Variants in DENND1A observed in about 807,000 individuals in gnomAD.
DENND1A encodes DENN domain containing 1A, also known as DENN domain-containing protein 1A.
In DENND1A, 51 loss-of-function variants were observed where a neutral mutation model predicts 113.7. The ratio of observed to expected loss-of-function variants is 0.45; its 90% confidence interval spans 0.36 to 0.57. The LOEUF (loss-of-function observed/expected upper bound fraction) is 0.57, where lower values mean the gene tolerates loss of function less well. DENND1A is among the 20% of genes least tolerant of loss of function. DENND1A has a pLI of 0.00. For synonymous variants in DENND1A, 565 were observed against 570.8 expected (o/e 0.99, Z 0.14); for missense variants, 1,258 against 1,395.9 (o/e 0.90, Z 1.57).
chr9:123,482,654 C>A (rs1427533650), intron 13 of DENND1A, among the ~76,000 whole-genome samples: 1 of 152,202 alleles, frequency 6.6e-6, no homozygotes, highest in Non-Finnish European at 1.5e-5. Context: ...AGTCAAGCAG[C>A]CCCATAAAGG....
chr9:123,606,368 T>C (rs1362472741), intron 11 of DENND1A, among the ~76,000 whole-genome samples: 1 of 152,116 alleles, frequency 6.6e-6, no homozygotes, highest in Non-Finnish European at 1.5e-5. Flanking sequence ...CTCCCCAGCC[T>C]CCGTCAATCA....
At chr9:123,550,220 AAC>A (rs2056955208) in intron 13 of DENND1A, among the ~76,000 whole-genome samples, 1 of 152,250 alleles carries the variant, frequency 6.6e-6, no homozygotes, top group Admixed American at 6.5e-5. Flanking sequence ...TCTTGGGATG[AAC>A]TAAGCAAGTG....
intron 22 of DENND1A, among the ~76,000 whole-genome samples, chr9:123,387,249 G>A (rs2042613320): frequency 6.6e-6 from 1 of 152,176 alleles, no homozygotes; most frequent in Non-Finnish European, 1.5e-5. Context: ...AAATAATAAT[G>A]ATTAAATTAT....
intron 2 of DENND1A, among the ~76,000 whole-genome samples, chr9:123,836,322 T>G (rs1202861840): frequency 6.6e-6 from 1 of 152,126 alleles, no homozygotes; most frequent in African/African-American, 2.4e-5. Context: ...TGGGCTCACA[T>G]ATGAATTAAC....
intron 5 of DENND1A, among the ~76,000 whole-genome samples, chr9:123,701,687 G>A (rs1322705730): frequency 6.6e-6 from 1 of 152,176 alleles, no homozygotes; most frequent in East Asian, 1.9e-4. Flanking sequence ...CAGCAGCCAA[G>A]AGCTTCAGGT....
At chr9:123,790,277 A>C (rs1832803732) in intron 3 of DENND1A, among the ~76,000 whole-genome samples, 1 of 152,150 alleles carries the variant, frequency 6.6e-6, no homozygotes, top group African/African-American at 2.4e-5. Context: ...CACAGTTCTC[A>C]CTTTCTTTCC....
chr9:123,553,024 G>A (rs1248308333), intron 13 of DENND1A, among the ~76,000 whole-genome samples: 1 of 152,184 alleles, frequency 6.6e-6, no homozygotes, highest in Admixed American at 6.5e-5. Flanking sequence ...TGGGAGTCTG[G>A]GGCTGAAGGA....
intron 9 of DENND1A, among the ~76,000 whole-genome samples, chr9:123,641,645 C>T (rs974556936): frequency 1.3e-5 from 2 of 152,092 alleles, no homozygotes; most frequent in Admixed American, 6.5e-5. Flanking sequence ...CCAGTCGGTA[C>T]GCATAAACAT....
At chr9:123,570,282 C>T (rs913009968) in intron 12 of DENND1A, among the ~76,000 whole-genome samples, 1 of 152,292 alleles carries the variant, frequency 6.6e-6, no homozygotes, top group African/African-American at 2.4e-5. Context: ...GAACTAGAAA[C>T]ATCCAGAGTC....
At chr9:123,789,458 CAGAA>C (rs1832684890) in intron 3 of DENND1A, among the ~76,000 whole-genome samples, 1 of 152,094 alleles carries the variant, frequency 6.6e-6, no homozygotes, top group Non-Finnish European at 1.5e-5. Flanking sequence ...ACTTCCGTGA[CAGAA>C]AGAAAGGCTT....
intron 6 of DENND1A, among the ~76,000 whole-genome samples, chr9:123,676,216 G>A (rs945638762): frequency 2.6e-5 from 4 of 152,038 alleles, no homozygotes; most frequent in South Asian, 2.1e-4. Flanking sequence ...AATTTTTAAC[G>A]TCATTTTCAG....
At chr9:123,409,043 G>A (rs576443827) in intron 20 of DENND1A, among the ~76,000 whole-genome samples, 91 of 152,268 alleles carry the variant, frequency 6.0e-4, no homozygotes, top group Non-Finnish European at 1.1e-3. Flanking sequence ...TCAAAGGCAG[G>A]ACTTATCATC....
At chr9:123,540,865 A>T (rs1159998578) in intron 13 of DENND1A, among the ~76,000 whole-genome samples, 1 of 152,226 alleles carries the variant, frequency 6.6e-6, no homozygotes, top group Non-Finnish European at 1.5e-5. Flanking sequence ...GCTGGAAACC[A>T]TCACCAAAGA....
chr9:123,797,151 C>T (rs1256679685), intron 2 of DENND1A, among the ~76,000 whole-genome samples: 1 of 152,132 alleles, frequency 6.6e-6, no homozygotes, highest in Admixed American at 6.6e-5. Context: ...TTAAAGCTTA[C>T]AATTACAAAT....
At position 123,667,017 on chromosome 9, in the gene DENND1A, A is replaced by G. The variant is rs376471541; in HGVS notation, c.507+9T>C. 1.6e-4 allele frequency: 260 copies of G among 1,583,318 alleles called. No homozygotes were observed. In the Middle Eastern group the frequency reaches 6.0e-3, roughly 37 times the overall value. The stretch of plus-strand genomic sequence containing the variant: ...AAAATTTAATTTTTTCTTCTTCCCA[A>G]GTACTTACATTCTCAGGTATGCTGG... On this transcript the variant is annotated intron_variant, in intron 8 of 23. Coordinates refer to ENST00000394215, the MANE Select transcript of DENND1A (RefSeq NM_001352964.2).
intron 2 of DENND1A, among the ~76,000 whole-genome samples, chr9:123,797,462 T>C (rs916921681): frequency 6.6e-6 from 1 of 152,116 alleles, no homozygotes; most frequent in Non-Finnish European, 1.5e-5. Context: ...TTCCCCAAAA[T>C]ACACCCAGAA....
intron 5 of DENND1A, among the ~76,000 whole-genome samples, chr9:123,698,083 G>A (rs74462251): frequency 0.017 from 2,582 of 152,236 alleles, 67 homozygotes; most frequent in African/African-American, 0.058. Context: ...AGAATAAGCA[G>A]AAATAAGTTG....
intron 3 of DENND1A, among the ~76,000 whole-genome samples, chr9:123,776,119 T>C (rs1202148170): frequency 6.6e-6 from 1 of 152,196 alleles, no homozygotes. Context: ...TTGTAAAAGA[T>C]AAATGAATTC....
chr9:123,506,746 C>T (rs1173837701), intron 13 of DENND1A, among the ~76,000 whole-genome samples: 1 of 152,046 alleles, frequency 6.6e-6, no homozygotes, highest in Non-Finnish European at 1.5e-5. Flanking sequence ...GGTCACATAG[C>T]CAGAAAGTCA....
Sources: gnomAD v4.1 joint callset for allele counts (sites outside exome capture counted in the v4.1 genomes callset) on GRCh38, gnomAD v4.1.1 for gene constraint, MANE v1.5 for transcripts, NCBI Gene and HGNC (gene_info 2026-07-23, HGNC 2026-07-21) for gene names.